USP24: variants seen among roughly 807,000 people sequenced by gnomAD.
The protein encoded by USP24 is ubiquitin specific peptidase 24.
Under a neutral mutation model 361.6 loss-of-function variants are expected in USP24, and 97 were observed. The observed-to-expected ratio is 0.27, with a 90% CI of 0.23 to 0.32. The LOEUF (loss-of-function observed/expected upper bound fraction) is 0.32, where lower values mean the gene tolerates loss of function less well. Ranked by LOEUF, USP24 falls within the 10% of genes least tolerant of loss-of-function variation. The pLI is 1.00. For synonymous variants in USP24, 1,098 were observed against 1,124.6 expected (o/e 0.98, Z 0.47); for missense variants, 2,353 against 3,165.6 (o/e 0.74, Z 6.16).
intron 64 of USP24, among the ~76,000 whole-genome samples, chr1:55,073,292 C>T (rs143072346): frequency 6.2e-4 from 94 of 152,292 alleles, no homozygotes; most frequent in African/African-American, 2.0e-3. Context: ...CAAGTTTTCA[C>T]TCTATGACTC....
chr1:55,104,863 G>A (rs930097528), intron 41 of USP24, among the ~76,000 whole-genome samples: 2 of 152,186 alleles, frequency 1.3e-5, no homozygotes, highest in African/African-American at 4.8e-5. Flanking sequence ...AAAGAATAGG[G>A]AGGTGCCATT....
Position 55,138,683 on chromosome 1 carries a change from A to G in USP24, c.2853T>C (p.His951=). ...FYSVPRTILP[H]GASFHGHLLT... is the part of the protein sequence containing the mutation. The stretch of plus-strand genomic sequence containing the variant: ...AAAGATGTCCATGAAATGAGGCACC[A>G]TGAGGTAGAATAGTTCGTGGAACAG... Residue 951 remains histidine, a synonymous_variant, in exon 26 of 68, where the codon CAT becomes CAC. Coordinates refer to ENST00000294383, the MANE Select transcript of USP24 (RefSeq NM_015306.3). 1 of 1,613,084 alleles carries G rather than the reference A, an allele frequency of 6.2e-7. No individual in the cohort carries two copies. Among genetic ancestry groups the G allele is most frequent in the East Asian group, 2.2e-5 (1 of 44,860 alleles).
chr1:55,157,435 A>G (rs1208291767), intron 10 of USP24, 65 bp from the exon 11 acceptor site: 5 of 931,692 alleles, frequency 5.4e-6, no homozygotes, highest in Non-Finnish European at 6.2e-6. Context: ...ATAGATAGAT[A>G]GATAATTTTT....
rs768011144 is a variant in USP24, at chr1:55,071,918, A to G, written c.7696T>C (p.Leu2566=). 5.0e-6 allele frequency: 8 copies of G among 1,608,324 alleles called. No individual in the cohort carries two copies. Among genetic ancestry groups the G allele is most frequent in the Middle Eastern group, 1.7e-4 (1 of 6,058 alleles). ...TTCAACAAAGCTGTGGCATACGCTA[A>G]CGTGTCCTGCAGAAGATTCAAACAC... is the stretch of plus-strand genomic sequence containing the variant. ...FQRTISAQDT[L]AYATALLNEK... Residue 2566 remains leucine (L), a synonymous_variant, in exon 67 of 68, where the codon TTA becomes CTA. Transcript: ENST00000294383.
intron 5 of USP24, among the ~76,000 whole-genome samples, chr1:55,169,733 C>T (rs994125201): frequency 6.6e-6 from 1 of 151,400 alleles, no homozygotes; most frequent in African/African-American, 2.5e-5. Flanking sequence ...AAAATACATA[C>T]TTCAAGGAAT....
chr1:55,205,021 C>T (rs1557708514), intron 1 of USP24, among the ~76,000 whole-genome samples: 1 of 152,052 alleles, frequency 6.6e-6, no homozygotes, highest in Non-Finnish European at 1.5e-5. Flanking sequence ...ATACGAATGA[C>T]AGAAAGAAAG....
intron 53 of USP24, among the ~76,000 whole-genome samples, chr1:55,092,494 T>C (rs1411083202): frequency 1.3e-5 from 2 of 152,230 alleles, no homozygotes; most frequent in Non-Finnish European, 2.9e-5. Context: ...GATATTTTAT[T>C]ACAAATTAGG....
chr1:55,174,803 T>A (rs551231166), intron 3 of USP24, among the ~76,000 whole-genome samples: 38 of 112,570 alleles, frequency 3.4e-4, no homozygotes, highest in Non-Finnish European at 3.4e-4. Context: ...TTACTTTTTT[T>A]AAATTTTGTA....
chr1:55,116,359 A>G (rs965269437), intron 38 of USP24, among the ~76,000 whole-genome samples: 2 of 152,040 alleles, frequency 1.3e-5, no homozygotes, highest in African/African-American at 4.8e-5. Context: ...AAGAAAAAAA[A>G]AAATCAATGA....
At chr1:55,208,958 A>C (rs914828741) in intron 1 of USP24, among the ~76,000 whole-genome samples, 1 of 152,122 alleles carries the variant, frequency 6.6e-6, no homozygotes, top group Non-Finnish European at 1.5e-5. Context: ...CAAAACAAAA[A>C]AAACCCAATA....
chr1:55,196,330 CA>C (rs538407177), intron 1 of USP24, among the ~76,000 whole-genome samples: 143 of 152,248 alleles, frequency 9.4e-4, no homozygotes, highest in Middle Eastern at 3.4e-3. Context: ...GAATCTAATG[CA>C]TTGTTTTCTA....
At chr1:55,199,212 C>T (rs1488836555) in intron 1 of USP24, among the ~76,000 whole-genome samples, 1 of 151,946 alleles carries the variant, frequency 6.6e-6, no homozygotes. Context: ...TCACTTGAAC[C>T]CGGGAGGTGG....
intron 23 of USP24, 85 bp from the exon 24 acceptor site, chr1:55,141,816 C>T (rs944227587): frequency 2.6e-5 from 32 of 1,239,982 alleles, no homozygotes; most frequent in Admixed American, 2.0e-4. Flanking sequence ...TTTGCTGTTG[C>T]AGAGGGCTGT....
chr1:55,131,106 T>C (rs1169049689), intron 31 of USP24, among the ~76,000 whole-genome samples: 5 of 152,202 alleles, frequency 3.3e-5, no homozygotes, highest in Non-Finnish European at 7.4e-5. Flanking sequence ...TTGAACTTTT[T>C]GGAGATAATC....
intron 1 of USP24, among the ~76,000 whole-genome samples, chr1:55,214,393 C>T (rs771451120): frequency 8.6e-5 from 13 of 151,912 alleles, no homozygotes; most frequent in Non-Finnish European, 1.8e-4. Flanking sequence ...GCACTAGTAC[C>T]CCATTTCCGA....
chr1:55,120,119 G>A (rs1044110739), intron 38 of USP24, among the ~76,000 whole-genome samples: 1 of 152,186 alleles, frequency 6.6e-6, no homozygotes, highest in Non-Finnish European at 1.5e-5. Flanking sequence ...GTTGAGGTAA[G>A]ATGGGGCAGG....
chr1:55,092,879 C>T lies in USP24; in HGVS notation c.6392G>A (p.Arg2131Lys). The T allele has an allele frequency of 6.3e-7, 1 of 1,591,872 alleles. No homozygotes were observed. Among genetic ancestry groups the T allele is most frequent in the Non-Finnish European group, 8.5e-7 (1 of 1,171,880 alleles). ...RDENLKFMKN[R>K]DVYSSDYFSF... ...GAAATAATCACTACTGTATACATCT[C>T]TATTCTTCATAAACTTGAGGTTCTC... The change falls in exon 53 of 68, where the codon AGA (arginine) becomes AAA (lysine). Residue 2131 changes from arginine (R) to lysine (K), a missense_variant. By Grantham distance (26) the Arg-to-Lys change is conservative. Coordinates refer to ENST00000294383, the MANE Select transcript of USP24 (RefSeq NM_015306.3).
chr1:55,163,642 C>T (rs1224958377), intron 7 of USP24, among the ~76,000 whole-genome samples: 1 of 151,924 alleles, frequency 6.6e-6, no homozygotes, highest in Admixed American at 6.6e-5. Context: ...TGTGGGAGTA[C>T]TGATGGGCAA....
intron 5 of USP24, 61 bp downstream of exon 5, chr1:55,171,495 A>G (rs974604344): frequency 3.0e-5 from 46 of 1,530,552 alleles, no homozygotes; most frequent in Non-Finnish European, 3.8e-5. Context: ...TTTTTATAGC[A>G]CAGAAAATCT....
Sources: gnomAD v4.1 joint callset for allele counts (sites outside exome capture counted in the v4.1 genomes callset) on GRCh38, gnomAD v4.1.1 for gene constraint, MANE v1.5 for transcripts, NCBI Gene and HGNC (gene_info 2026-07-23, HGNC 2026-07-21) for gene names.